P4HA3: variants seen among roughly 807,000 people sequenced by gnomAD.
P4HA3 encodes the protein prolyl 4-hydroxylase subunit alpha-3.
Under a neutral mutation model 66.7 loss-of-function variants are expected in P4HA3, and 60 were observed. That is an observed-to-expected ratio of 0.90 (90% CI 0.73 to 1.12). The LOEUF (loss-of-function observed/expected upper bound fraction) is 1.12. Among genes scored for constraint, P4HA3 ranks in the 50% most tolerant of loss-of-function variants. The probability of loss-of-function intolerance (pLI) is 0.00; values close to 1 mark genes in which losing one functional copy is unlikely to be tolerated. For synonymous variants in P4HA3, 263 were observed against 274.6 expected, an observed-to-expected ratio of 0.96 and a Z score of 0.42; for missense variants, 683 against 685.8, an observed-to-expected ratio of 1.00 and a Z score of 0.05.
intron 7 of P4HA3, among the ~76,000 whole-genome samples, chr11:74,280,836 C>T (rs1860567761): frequency 6.6e-6 from 1 of 152,180 alleles, no homozygotes; most frequent in Non-Finnish European, 1.5e-5. Context: ...GTCCCTCCTG[C>T]TAAACCAGAT....
chr11:74,288,969 T>TAA, intron 5 of P4HA3, 110 bp downstream of exon 5: 4 of 563,770 alleles, frequency 7.1e-6, no homozygotes, highest in Non-Finnish European at 1.0e-5. Flanking sequence ...AAAAAAAAGA[T>TAA]AATAAAGATA....
intron 15 of P4HA3, chr11:74,251,414 A>G: frequency 1.4e-6 from 2 of 1,390,146 alleles, no homozygotes; most frequent in Non-Finnish European, 1.9e-6. Context: ...GGGCACACAT[A>G]AGCCCTTCAC....
At chr11:74,263,706 A>T (rs1317592577), downstream of P4HA3, among the ~76,000 whole-genome samples, 1 of 152,248 alleles carries the variant, frequency 6.6e-6, no homozygotes, top group African/African-American at 2.4e-5. Context: ...ACAAATGATA[A>T]TGATAATAGA....
At chr11:74,257,171 C>G (rs967435280) in intron 15 of P4HA3, among the ~76,000 whole-genome samples, 5 of 152,090 alleles carry the variant, frequency 3.3e-5, no homozygotes, top group African/African-American at 1.2e-4. Context: ...GTCACCTAGG[C>G]TGGAGTGCAG....
intron 7 of P4HA3, among the ~76,000 whole-genome samples, chr11:74,285,138 C>T (rs1444282749): frequency 2.7e-5 from 4 of 149,868 alleles, no homozygotes; most frequent in Admixed American, 2.0e-4. Flanking sequence ...GGAAAATGAC[C>T]TCTCTCTCTC....
At chr11:74,275,220 CAT>C (rs1191091950) in intron 9 of P4HA3, among the ~76,000 whole-genome samples, 1 of 152,070 alleles carries the variant, frequency 6.6e-6, no homozygotes, top group Non-Finnish European at 1.5e-5. Context: ...TTTTATGGAT[CAT>C]ACTTTGGTGT....
intron 1 of P4HA3, among the ~76,000 whole-genome samples, chr11:74,306,972 C>T (rs1861598904): frequency 6.6e-6 from 1 of 152,036 alleles, no homozygotes; most frequent in East Asian, 1.9e-4. Flanking sequence ...GCTTTGGCTC[C>T]GTATGGAACT....
intron 15 of P4HA3, chr11:74,251,900 G>C: frequency 1.2e-6 from 1 of 830,272 alleles, no homozygotes; most frequent in Non-Finnish European, 2.1e-6. Context: ...TTGTTTCTTT[G>C]TGCTGTGCTC....
chr11:74,264,850 G>A (rs764458341), downstream of P4HA3, among the ~76,000 whole-genome samples: 2 of 152,202 alleles, frequency 1.3e-5, no homozygotes, highest in African/African-American at 2.4e-5. Context: ...CACCCACTGA[G>A]CCCAGGGCCT....
intron 8 of P4HA3, among the ~76,000 whole-genome samples, chr11:74,277,653 C>T (rs773844148): frequency 3.3e-5 from 5 of 152,356 alleles, no homozygotes; most frequent in South Asian, 2.1e-4. Context: ...GTGAACTATA[C>T]ATTAGTGTTA....
intron 7 of P4HA3, among the ~76,000 whole-genome samples, chr11:74,281,759 G>A (rs978505605): frequency 6.6e-6 from 1 of 151,896 alleles, no homozygotes; most frequent in Admixed American, 6.5e-5. Context: ...AGCATTGGGA[G>A]ATATACCTAA....
At chr11:74,267,683 C>G (rs544311161) in intron 12 of P4HA3, among the ~76,000 whole-genome samples, 1 of 152,340 alleles carries the variant, frequency 6.6e-6, no homozygotes, top group East Asian at 1.9e-4. Flanking sequence ...GCCTCCACCT[C>G]AGCTTATGAG....
At chr11:74,304,817 T>C (rs555463827) in intron 1 of P4HA3, among the ~76,000 whole-genome samples, 1 of 152,272 alleles carries the variant, frequency 6.6e-6, no homozygotes, top group South Asian at 2.1e-4. Context: ...ATGTGCTATA[T>C]AGTGGTCCCC....
intron 10 of P4HA3, among the ~76,000 whole-genome samples, chr11:74,271,705 G>A (rs184440088): frequency 6.6e-6 from 1 of 151,904 alleles, no homozygotes; most frequent in African/African-American, 2.4e-5. Flanking sequence ...ATCACCAACT[G>A]GACTTCAACT....
chr11:74,304,314 C>G lies in P4HA3; in HGVS notation c.299G>C (p.Trp100Ser). The G allele has an allele frequency of 6.2e-7, 1 of 1,614,058 alleles. No homozygotes were observed. Among genetic ancestry groups the G allele is most frequent in the Non-Finnish European group, 8.5e-7 (1 of 1,180,006 alleles). Residue 100 changes from tryptophan to serine, a missense_variant, in exon 2 of 13, where the codon TGG (tryptophan) becomes TCG (serine). Physicochemically the swap from Trp to Ser is radical, Grantham distance 177 (BLOSUM62 -3). Transcript: ENST00000331597. ...CTCCAGACTATGTACCACATTCCTC[C>G]AGTCAGACTGCAGGCGTTTGATGAG... ...FTLIKRLQSD[W>S]RNVVHSLEAS...
chr11:74,282,848 A>C (rs1431043905), intron 7 of P4HA3, among the ~76,000 whole-genome samples: 1 of 152,176 alleles, frequency 6.6e-6, no homozygotes, highest in Non-Finnish European at 1.5e-5. Context: ...AAAAGCTTAG[A>C]GTTCAGAGGA....
chr11:74,254,815 C>T (rs1291276275), intron 15 of P4HA3: 1 of 152,572 alleles, frequency 6.6e-6, no homozygotes, highest in Non-Finnish European at 1.5e-5. Flanking sequence ...TCCCTATAGC[C>T]CTTCAGTGTG....
intron 1 of P4HA3, among the ~76,000 whole-genome samples, chr11:74,309,896 T>C (rs771006523): frequency 6.6e-6 from 1 of 152,216 alleles, no homozygotes. Flanking sequence ...GCTTCTCTTC[T>C]ACATAGCTCT....
intron 9 of P4HA3, among the ~76,000 whole-genome samples, chr11:74,274,663 T>C (rs1207796944): frequency 1.3e-5 from 2 of 152,224 alleles, no homozygotes; most frequent in Non-Finnish European, 2.9e-5. Context: ...TCTGTACAAA[T>C]GTTTGTAGAG....
Sources: allele counts gnomAD v4.1 joint callset (sites outside exome capture counted in the v4.1 genomes callset), GRCh38; gene constraint gnomAD v4.1.1; transcripts MANE v1.5; gene names NCBI Gene and HGNC (gene_info 2026-07-23, HGNC 2026-07-21).